RCN1: variants seen among roughly 807,000 people sequenced by gnomAD.
The protein encoded by RCN1 is reticulocalbin-1.
RCN1 carries 14 observed loss-of-function variants against 34.7 expected under a neutral mutation model. That is an observed-to-expected ratio of 0.40 (90% confidence interval 0.27 to 0.63). RCN1 has a LOEUF of 0.63. RCN1 is among the 30% of genes least tolerant of loss of function. The pLI, the probability that RCN1 is intolerant of heterozygous loss-of-function variation, is 0.37. For missense variants in RCN1, 326 were observed against 425.1 expected, an observed-to-expected ratio of 0.77 and a Z score of 2.05; for synonymous variants, 125 against 165.5, an observed-to-expected ratio of 0.76 and a Z score of 1.88.
rs1457290278 is a variant in RCN1, at chr11:32,091,296, C to T, written c.100C>T (p.Arg34Cys). The T allele has an allele frequency of 1.3e-6, 2 of 1,545,672 alleles. No homozygotes were observed. Among genetic ancestry groups the T allele is most frequent in the East Asian group, 2.5e-5 (1 of 40,752 alleles). The change falls in exon 1 of 6, where the codon CGC becomes TGC. Residue 34 changes from arginine (R) to cysteine (C), a missense_variant. By Grantham distance (180) the Arg-to-Cys change is radical. Transcript: ENST00000054950. ...PRVLRAKPTV[R>C]KERVVRPDSE... ...GGTTCTGCGGGCCAAGCCCACGGTGCGCAAAGAGCGCGTGGTGCGGCCCGA... is the reference window on the plus strand; with the variant it reads ...GGTTCTGCGGGCCAAGCCCACGGTGTGCAAAGAGCGCGTGGTGCGGCCCGA...
In RCN1 at chr11:32,103,437, A is replaced by T; in HGVS notation, c.845A>T (p.Gln282Leu). 6.2e-7 allele frequency: 1 copy of T among 1,614,056 alleles called. No individual in the cohort carries two copies. Among genetic ancestry groups the T allele is most frequent in the Non-Finnish European group, 8.5e-7 (1 of 1,179,870 alleles). The change falls in exon 5 of 6, where the codon CAG becomes CTG. Residue 282 changes from glutamine (Q) to leucine (L), a missense_variant. Transcript: ENST00000054950. ...CTCCCTCAAGATTATGATCATGCAC[A>T]GGCTGAGGCCAGGCATCTGGTATAT... ...WILPQDYDHA[Q>L]AEARHLVYES...
At chr11:32,099,442 CTG>C (rs1297027460) in intron 3 of RCN1, among the ~76,000 whole-genome samples, 2 of 152,042 alleles carry the variant, frequency 1.3e-5, no homozygotes, top group East Asian at 1.9e-4. Flanking sequence ...ATTGTTAAAA[CTG>C]TATGGAAATG....
At chr11:32,097,811 C>T (rs1590218649) in intron 2 of RCN1, among the ~76,000 whole-genome samples, 1 of 151,932 alleles carries the variant, frequency 6.6e-6, no homozygotes, top group Non-Finnish European at 1.5e-5. Flanking sequence ...GCAATGCATG[C>T]AGTAATGGGA....
chr11:32,097,979 C>A (rs1268026571), intron 2 of RCN1, among the ~76,000 whole-genome samples: 1 of 152,186 alleles, frequency 6.6e-6, no homozygotes, highest in Non-Finnish European at 1.5e-5. Flanking sequence ...TCGGGGAGAT[C>A]TTGAAAGCCA....
intron 1 of RCN1, 152 bp from the exon 2 acceptor site, chr11:32,096,992 C>G: frequency 1.6e-6 from 1 of 607,840 alleles, no homozygotes; most frequent in Non-Finnish European, 2.7e-6. Context: ...TCCTTCCAGC[C>G]TCCTTGGATC....
In RCN1 at chr11:32,104,903, C is replaced by G. The variant is rs554692974; in HGVS notation, c.*431C>G. ...GTTAAATAGTTGGAAAGGGGAAATTCTGATTAAGCGAAAGTGGTATCATCC... is the reference window on the plus strand; with the variant it reads ...GTTAAATAGTTGGAAAGGGGAAATTGTGATTAAGCGAAAGTGGTATCATCC... On this transcript the variant is annotated 3_prime_UTR_variant, in exon 6 of 6. Transcript: ENST00000054950. 17 of 176,220 alleles carry G rather than the reference C, an allele frequency of 9.6e-5. No individual in the cohort carries two copies. The South Asian group carries it at 2.7e-3, about 28-fold the overall frequency. 10.9% of individuals were successfully genotyped at this position (176,220 alleles called of 1,614,324 possible). A position where few individuals can be genotyped will look rare whatever the true frequency, so the allele number is the denominator to read the frequency against.
intron 1 of RCN1, among the ~76,000 whole-genome samples, chr11:32,093,455 A>G (rs1257616586): frequency 1.3e-5 from 2 of 152,148 alleles, no homozygotes; most frequent in African/African-American, 2.4e-5. Flanking sequence ...TATAAAACCT[A>G]CTGTGAGCAC....
At chr11:32,096,046 T>C (rs1851970015) in intron 1 of RCN1, among the ~76,000 whole-genome samples, 2 of 152,186 alleles carry the variant, frequency 1.3e-5, no homozygotes, top group South Asian at 4.1e-4. Flanking sequence ...TCTGTCAAAC[T>C]ATCAAACTGA....
intron 5 of RCN1, 90 bp from the exon 6 acceptor site, chr11:32,104,275 G>T: frequency 1.3e-6 from 1 of 768,054 alleles, no homozygotes; most frequent in Non-Finnish European, 2.2e-6. Flanking sequence ...TATTTTAAAT[G>T]TTGTACATCA....
rs182999062 is a variant in RCN1 at position 32,095,691 on chromosome 11, A to G, written c.255-1453A>G. ...CCAAAGTTCTGGGACCACAGGCGTG[A>G]GCCACCATGCCCGGCCATTCCTGGC... On this transcript the variant is annotated intron_variant, in intron 1 of 5. Coordinates refer to ENST00000054950, the MANE Select transcript of RCN1 (RefSeq NM_002901.4). Among the ~76,000 whole-genome samples the G allele has an allele frequency of 9.0e-4, 137 of 152,104 alleles. 1 individual carries two copies. The highest frequency in any genetic ancestry group is 1.6e-3 in the Non-Finnish European group (107 of 67,992).
Position 32,092,361 on chromosome 11 carries a change from T to C in RCN1, c.254+911T>C, listed in dbSNP as rs375763114. Among the ~76,000 whole-genome samples, 234 of 151,798 alleles carry C rather than the reference T, an allele frequency of 1.5e-3. 5 individuals are homozygous for C. The South Asian group carries it at 0.046, about 30-fold the overall frequency. On this transcript the variant is annotated intron_variant, in intron 1 of 5. Coordinates refer to ENST00000054950, the MANE Select transcript of RCN1 (RefSeq NM_002901.4). ...CTAGTGTAGGGATACAAAAATCCGG[T>C]TGAAAAGGGACACGCAGTTTCCGAT... is the stretch of plus-strand genomic sequence containing the variant.
At chr11:32,103,848 G>A (rs1449941460) in intron 5 of RCN1, among the ~76,000 whole-genome samples, 2 of 152,164 alleles carry the variant, frequency 1.3e-5, no homozygotes, top group African/African-American at 4.8e-5. Flanking sequence ...GAGGTGTCAG[G>A]AACAAGGAAG....
At chr11:32,091,694 G>C (rs1428452824) in intron 1 of RCN1, 5 of 510,556 alleles carry the variant, frequency 9.8e-6, no homozygotes, top group Non-Finnish European at 1.7e-5. Context: ...AGGCGAGAAC[G>C]TGGCAGCGGC....
At chr11:32,092,264 G>A (rs1008716372) in intron 1 of RCN1, among the ~76,000 whole-genome samples, 3 of 152,110 alleles carry the variant, frequency 2.0e-5, no homozygotes, top group Non-Finnish European at 4.4e-5. Flanking sequence ...CCGAGATTGC[G>A]CCACTGCACT....
At chr11:32,100,938 A>G (rs1852030366) in intron 4 of RCN1, among the ~76,000 whole-genome samples, 1 of 152,212 alleles carries the variant, frequency 6.6e-6, no homozygotes, top group Non-Finnish European at 1.5e-5. Context: ...ATAGATTTAC[A>G]GTGAAGATAG....
Position 32,097,236 on chromosome 11 carries a change from T to C in RCN1, c.347T>C (p.Ile116Thr). 6.2e-7 allele frequency: 1 copy of C among 1,608,378 alleles called. No individual in the cohort carries two copies. Among genetic ancestry groups the C allele is most frequent in the Non-Finnish European group, 8.5e-7 (1 of 1,178,352 alleles). The change falls in exon 2 of 6, where the codon ATC (isoleucine) becomes ACC (threonine). Residue 116 changes from isoleucine (I) to threonine (T), a missense_variant. By Grantham distance (89) the Ile-to-Thr change is moderately conservative (BLOSUM62 -1). Coordinates refer to ENST00000054950, the MANE Select transcript of RCN1 (RefSeq NM_002901.4). Reference protein sequence around the residue: ...TWIKRVQKRYIFDNVAKVWKD... With the variant: ...TWIKRVQKRYTFDNVAKVWKD... ...ATCAAACGGGTGCAGAAAAGATACATCTTTGATAATGTCGCCAAAGTCTGG... is the reference window on the plus strand; with the variant it reads ...ATCAAACGGGTGCAGAAAAGATACACCTTTGATAATGTCGCCAAAGTCTGG...
chr11:32,092,011 G>A (rs1295030551), intron 1 of RCN1, among the ~76,000 whole-genome samples: 1 of 152,114 alleles, frequency 6.6e-6, no homozygotes, highest in African/African-American at 2.4e-5. Flanking sequence ...TCTATCGTAA[G>A]GAGTCTGGGC....
chr11:32,095,548 CA>C (rs1183179309), intron 1 of RCN1, among the ~76,000 whole-genome samples: 1 of 152,142 alleles, frequency 6.6e-6, no homozygotes, highest in East Asian at 1.9e-4. Flanking sequence ...GCTGGGACTA[CA>C]GGCACCCGCC....
In RCN1 at chr11:32,105,073, CA is replaced by C. The variant is rs1220608989; in HGVS notation, c.*602del. ...GATCTGCTAATATGCACAGTAAATC[CA>C]TGTCTTTGTTTGTTTTTCTATTAAA... On this transcript the variant is annotated 3_prime_UTR_variant, in exon 6 of 6. Coordinates refer to ENST00000054950, the MANE Select transcript of RCN1 (RefSeq NM_002901.4). The C allele has an allele frequency of 1.2e-5, 2 of 166,982 alleles. No individual in the cohort carries two copies. Among genetic ancestry groups the C allele is most frequent in the African/African-American group, 4.8e-5 (2 of 41,398 alleles). The allele number at this position is 166,982 out of a possible 1,614,324, so 10.3% of individuals were successfully genotyped here.
Sources: allele counts gnomAD v4.1 joint callset (sites outside exome capture counted in the v4.1 genomes callset), GRCh38; gene constraint gnomAD v4.1.1; transcripts MANE v1.5; gene names NCBI Gene and HGNC (gene_info 2026-07-23, HGNC 2026-07-21).